The following COL8A1 variants were observed in gnomAD, a reference collection of about 807,000 sequenced individuals.
The protein encoded by COL8A1 is collagen alpha-1(VIII) chain.
Under a neutral mutation model 42.7 loss-of-function variants are expected in COL8A1, and 21 were observed. That is an observed-to-expected ratio of 0.49 (90% CI 0.35 to 0.71). The LOEUF is 0.71. Among genes scored for constraint, COL8A1 ranks in the 30% least tolerant of loss-of-function variants. The pLI, the probability that COL8A1 is intolerant of heterozygous loss-of-function variation, is 0.01. For missense variants in COL8A1, 788 were observed against 962.4 expected (o/e 0.82, Z 2.40); for synonymous variants, 367 against 369.1 (o/e 0.99, Z 0.06).
intron 1 of COL8A1, among the ~76,000 whole-genome samples, chr3:99,699,646 C>T (rs1377577749): frequency 6.6e-6 from 1 of 152,214 alleles, no homozygotes; most frequent in African/African-American, 2.4e-5. Flanking sequence ...ACTCTGAGCA[C>T]AGGGCTTTCT....
At chr3:99,666,407 G>C (rs936507332) in intron 1 of COL8A1, among the ~76,000 whole-genome samples, 1 of 152,192 alleles carries the variant, frequency 6.6e-6, no homozygotes, top group African/African-American at 2.4e-5. Flanking sequence ...AACATTTGTT[G>C]CATAATCCTC....
intron 1 of COL8A1, among the ~76,000 whole-genome samples, chr3:99,706,382 T>A (rs1159307107): frequency 1.3e-5 from 2 of 152,176 alleles, no homozygotes; most frequent in Non-Finnish European, 2.9e-5. Context: ...CTATTATTTA[T>A]TCCTTACCTA....
In COL8A1 at chr3:99,732,456, G is replaced by A. The variant is rs7628155; in HGVS notation, c.-128-12441G>A. Among the ~76,000 whole-genome samples, 1,027 of 152,144 alleles carry A rather than the reference G, an allele frequency of 6.8e-3. 14 individuals carry two copies. Among genetic ancestry groups the A allele is most frequent in the African/African-American group, 0.024 (981 of 41,484 alleles). On this transcript the variant is annotated intron_variant, in intron 1 of 3. Coordinates refer to ENST00000652472, the MANE Select transcript of COL8A1 (RefSeq NM_020351.4). ...GAAGCAAACACATCCTTCTTCACAT[G>A]GCAGCAGCAAGGAGAAGTGCCAAGC...
intron 1 of COL8A1, among the ~76,000 whole-genome samples, chr3:99,699,580 A>T (rs968848508): frequency 6.6e-6 from 1 of 152,178 alleles, no homozygotes; most frequent in Non-Finnish European, 1.5e-5. Context: ...CAACTCAAAG[A>T]CCTTTTAGAG....
At chr3:99,720,374 A>G (rs996292953) in intron 1 of COL8A1, among the ~76,000 whole-genome samples, 1 of 152,168 alleles carries the variant, frequency 6.6e-6, no homozygotes, top group African/African-American at 2.4e-5. Flanking sequence ...TAAGATAGAT[A>G]TGGAACAAAA....
At chr3:99,786,286 A>C in intron 2 of COL8A1, among the ~76,000 whole-genome samples, 1 of 152,132 alleles carries the variant, frequency 6.6e-6, no homozygotes, top group East Asian at 1.9e-4. Context: ...TTAAAATATG[A>C]CACCCCCCTC....
At chr3:99,699,671 A>C (rs891302154) in intron 1 of COL8A1, among the ~76,000 whole-genome samples, 1 of 152,198 alleles carries the variant, frequency 6.6e-6, no homozygotes, top group Admixed American at 6.5e-5. Flanking sequence ...TCTAACCAAA[A>C]ATATAGTTAA....
intron 1 of COL8A1, among the ~76,000 whole-genome samples, chr3:99,720,860 G>T (rs908401771): frequency 6.6e-6 from 1 of 152,128 alleles, no homozygotes; most frequent in African/African-American, 2.4e-5. Flanking sequence ...TTTAAAGCAA[G>T]ATTTTAGAAG....
At chr3:99,757,886 A>G (rs1009279045) in intron 2 of COL8A1, among the ~76,000 whole-genome samples, 1 of 152,194 alleles carries the variant, frequency 6.6e-6, no homozygotes, top group Admixed American at 6.6e-5. Context: ...GCATGAATCT[A>G]TCCTTGTATC....
intron 1 of COL8A1, among the ~76,000 whole-genome samples, 180 bp from the exon 2 acceptor site, chr3:99,744,717 A>T (rs1325555117): frequency 6.6e-6 from 1 of 152,240 alleles, no homozygotes; most frequent in African/African-American, 2.4e-5. Flanking sequence ...AGCAATAAAG[A>T]TATACAATTT....
At chr3:99,773,512 T>C (rs555960662) in intron 2 of COL8A1, among the ~76,000 whole-genome samples, 1 of 152,230 alleles carries the variant, frequency 6.6e-6, no homozygotes, top group African/African-American at 2.4e-5. Flanking sequence ...ATGTAGAATC[T>C]TTATTGTGGG....
At chr3:99,770,505 C>A (rs1367592162) in intron 2 of COL8A1, among the ~76,000 whole-genome samples, 2 of 152,144 alleles carry the variant, frequency 1.3e-5, no homozygotes, top group African/African-American at 4.8e-5. Flanking sequence ...TACCATGTGT[C>A]AAATGTTGTG....
intron 1 of COL8A1, among the ~76,000 whole-genome samples, chr3:99,687,944 G>T (rs935007790): frequency 6.6e-6 from 1 of 152,142 alleles, no homozygotes; most frequent in East Asian, 1.9e-4. Context: ...CAGCACAAGA[G>T]AGTTGGCTTA....
At chr3:99,646,883 A>C (rs1232755019) in intron 1 of COL8A1, among the ~76,000 whole-genome samples, 1 of 152,230 alleles carries the variant, frequency 6.6e-6, no homozygotes, top group Non-Finnish European at 1.5e-5. Flanking sequence ...CATACAATAC[A>C]GGGTTTCTGA....
In COL8A1 at chr3:99,767,776, G is replaced by T. The variant is rs546166547; in HGVS notation, c.-4+22755G>T. On this transcript the variant is annotated intron_variant, in intron 2 of 3. Transcript: ENST00000652472. ...CATGCAGCAAGGTATAGAGGTGTAA[G>T]ATATTATAAAAGACAAAGCAAATGC... Among the ~76,000 whole-genome samples the T allele has an allele frequency of 1.1e-4, 16 of 152,284 alleles. No individual in the cohort carries two copies. The South Asian group carries it at 2.5e-3, about 24-fold the overall frequency.
At chr3:99,714,313 T>TC (rs1939928873) in intron 1 of COL8A1, among the ~76,000 whole-genome samples, 1 of 152,074 alleles carries the variant, frequency 6.6e-6, no homozygotes, top group Admixed American at 6.6e-5. Context: ...CATTCTATTT[T>TC]CCCCAAGGGT....
chr3:99,676,505 T>A (rs1938702610), intron 1 of COL8A1, among the ~76,000 whole-genome samples: 1 of 152,150 alleles, frequency 6.6e-6, no homozygotes, highest in South Asian at 2.1e-4. Flanking sequence ...ATAAATTCAA[T>A]AGATTCAGAA....
At chr3:99,713,621 G>C (rs1939907786) in intron 1 of COL8A1, among the ~76,000 whole-genome samples, 1 of 152,014 alleles carries the variant, frequency 6.6e-6, no homozygotes, top group Non-Finnish European at 1.5e-5. Flanking sequence ...CGTTGATCCT[G>C]GGCATTGGGC....
intron 1 of COL8A1, among the ~76,000 whole-genome samples, chr3:99,722,866 G>T (rs1294287961): frequency 1.3e-5 from 2 of 151,898 alleles, no homozygotes; most frequent in African/African-American, 2.4e-5. Flanking sequence ...AAATAACGTC[G>T]ATTGGAACTA....
Sources: allele counts gnomAD v4.1 joint callset (sites outside exome capture counted in the v4.1 genomes callset), GRCh38; gene constraint gnomAD v4.1.1; transcripts MANE v1.5; gene names NCBI Gene and HGNC (gene_info 2026-07-23, HGNC 2026-07-21).